Variants in EBF3 observed in about 807,000 individuals in gnomAD.
The protein encoded by EBF3 is EBF transcription factor 3.
In EBF3, 18 loss-of-function variants were observed where a neutral mutation model predicts 77.1. The observed-to-expected ratio is 0.23, with a 90% CI of 0.16 to 0.35. EBF3 has a LOEUF of 0.35. EBF3 is among the 10% of genes least tolerant of loss of function. EBF3 has a pLI of 1.00. For missense variants in EBF3, 558 were observed against 860.0 expected (o/e 0.65, Z 4.39); for synonymous variants, 350 against 343.5 (o/e 1.02, Z -0.21).
chr10:129,843,077 G>T, intron 12 of EBF3, 60 bp downstream of exon 12: 1 of 1,545,946 alleles, frequency 6.5e-7, no homozygotes, highest in Non-Finnish European at 8.8e-7. Flanking sequence ...AGCCACGCCG[G>T]CTGCCCACGG....
In EBF3 at chr10:129,885,736, T is replaced by A. The variant is rs187659527; in HGVS notation, c.555-7887A>T. On this transcript the variant is annotated intron_variant, in intron 6 of 16. Transcript: ENST00000440978. This position sits in a 1 kb window ranked among gnomAD's most constrained non-coding sequence, Gnocchi z 4.0. The stretch of plus-strand genomic sequence containing the variant: ...TCTCTCCCTCTGGACACTGTTCTAT[T>A]TGCCAGCTCTGATCACGAAGCTCCT... 1.3e-5 allele frequency among the ~76,000 whole-genome samples: 2 copies of A among 152,312 alleles called. No individual in the cohort carries two copies. Among genetic ancestry groups the A allele is most frequent in the South Asian group, 4.1e-4 (2 of 4,830 alleles).
chr10:129,940,932 C>T (rs367682088), intron 6 of EBF3, among the ~76,000 whole-genome samples: 90 of 152,178 alleles, frequency 5.9e-4, no homozygotes, highest in South Asian at 4.1e-4. Context: ...GGTAGGTCCC[C>T]GGTCCCCCAG....
chr10:129,867,643 G>A lies in EBF3; in HGVS notation c.912+139C>T. 2 of 1,421,090 alleles carry A rather than the reference G, an allele frequency of 1.4e-6. 1 individual carries two copies. The highest frequency in any genetic ancestry group is 2.8e-5 in the South Asian group (2 of 72,536). The allele number at this position is 1,421,090 out of a possible 1,614,324, so 88.0% of individuals were successfully genotyped here. On this transcript the variant is annotated intron_variant, in intron 9 of 16. Coordinates refer to ENST00000440978, the MANE Select transcript of EBF3 (RefSeq NM_001375380.1). ...TCCGTAGCCACCCACGGGAGAAGCTGCTGCCACAGGCGAACAGTGCAGTGT... is the reference window on the plus strand; with the variant it reads ...TCCGTAGCCACCCACGGGAGAAGCTACTGCCACAGGCGAACAGTGCAGTGT...
intron 10 of EBF3, among the ~76,000 whole-genome samples, chr10:129,851,178 G>A (rs1850854324): frequency 6.6e-6 from 1 of 152,214 alleles, no homozygotes; most frequent in African/African-American, 2.4e-5. Context: ...GTCAGCACTG[G>A]TTTGCTCAGG....
Position 129,837,974 on chromosome 10 carries a change from G to A in EBF3, c.1873-14C>T, listed in dbSNP as rs761091737. On this transcript the variant is annotated splice_polypyrimidine_tract_variant and intron_variant, in intron 16 of 16. Transcript: ENST00000440978. ...GCCCAGACATAGCTGCAAGACAGAA[G>A]GACAGAGCAGTTACTGCAGGCTCCC... The A allele has an allele frequency of 6.2e-7, 1 of 1,614,032 alleles. No homozygotes were observed. Among genetic ancestry groups the A allele is most frequent in the Non-Finnish European group, 8.5e-7 (1 of 1,179,980 alleles).
At chr10:129,869,421 G>C (rs1024795985) in intron 8 of EBF3, among the ~76,000 whole-genome samples, 1 of 144,180 alleles carries the variant, frequency 6.9e-6, no homozygotes, top group Non-Finnish European at 1.5e-5. Flanking sequence ...TCCTGGCTTT[G>C]CTCCCCCACG....
At chr10:129,915,499 A>AC (rs59533376) in intron 6 of EBF3, among the ~76,000 whole-genome samples, 7,272 of 91,082 alleles carry the variant, frequency 0.08, 199 homozygotes, top group East Asian at 0.15. Context: ...CACACACACA[A>AC]AAAAGCCAAG....
intron 4 of EBF3, 40 bp downstream of exon 4, chr10:129,962,131 C>T: frequency 6.2e-7 from 1 of 1,611,002 alleles, no homozygotes; most frequent in Non-Finnish European, 8.5e-7. Context: ...CAACCCAGGC[C>T]CAGCAGTGAA....
intron 6 of EBF3, among the ~76,000 whole-genome samples, chr10:129,889,408 T>C (rs1446190282): frequency 6.6e-6 from 1 of 152,228 alleles, no homozygotes; most frequent in African/African-American, 2.4e-5. Context: ...GAGCAGCTCC[T>C]GCCTGCAACA....
Position 129,867,797 on chromosome 10 carries a change from C to T in EBF3, c.897G>A (p.Met299Ile), listed in dbSNP as rs1461268321. The change falls in exon 9 of 17, where the codon ATG becomes ATA. Residue 299 changes from methionine to isoleucine, a missense_variant. Coordinates refer to ENST00000440978, the MANE Select transcript of EBF3 (RefSeq NM_001375380.1). ...FDGLQVVFGT[M>I]LVWSELITPH... is the part of the protein sequence containing the mutation. ...GCGGGCTTACCTCGCTCCACACCAA[C>T]ATAGTTCCGAATACAACTTGCAGCC... The T allele has an allele frequency of 1.2e-6, 2 of 1,614,244 alleles. No individual in the cohort carries two copies. The highest frequency in any genetic ancestry group is 1.7e-5 in the Admixed American group (1 of 60,038).
intron 6 of EBF3, among the ~76,000 whole-genome samples, chr10:129,888,552 G>T (rs1293265405): frequency 6.6e-6 from 1 of 152,226 alleles, no homozygotes; most frequent in East Asian, 1.9e-4. Context: ...GAGGAAAGAA[G>T]GCCGGGGCCA....
chr10:129,853,025 G>A (rs1034549702), intron 10 of EBF3, among the ~76,000 whole-genome samples: 5 of 152,196 alleles, frequency 3.3e-5, no homozygotes, highest in South Asian at 2.1e-4. Flanking sequence ...GCAGGAAGGA[G>A]GGGACAGGGT....
In EBF3 at chr10:129,944,228, A is replaced by ATTGT. The variant is rs1382844396; in HGVS notation, c.554+13026_554+13029dup. Among the ~76,000 whole-genome samples, 1 of 152,188 alleles carries ATTGT rather than the reference A, an allele frequency of 6.6e-6. No homozygotes were observed. Among genetic ancestry groups the ATTGT allele is most frequent in the Non-Finnish European group, 1.5e-5 (1 of 68,030 alleles). ...TCCAGTTACAATAACATTAAAATATATTGTTTATTTGCGGGTGGGGTCATT... is the reference window on the plus strand; with the variant it reads ...TCCAGTTACAATAACATTAAAATATATTGTTTGTTTATTTGCGGGTGGGGTCATT... On this transcript the variant is annotated intron_variant, in intron 6 of 16. Transcript: ENST00000440978. This position sits in a 1 kb window ranked among gnomAD's most constrained non-coding sequence, Gnocchi z 5.1.
chr10:129,876,157 A>G (rs984486576), intron 7 of EBF3, among the ~76,000 whole-genome samples: 2 of 152,208 alleles, frequency 1.3e-5, no homozygotes, highest in Admixed American at 1.3e-4. Context: ...GGGCTGTAGC[A>G]CCTACAGAAA....
intron 6 of EBF3, among the ~76,000 whole-genome samples, chr10:129,906,285 CAAT>C (rs1855138049): frequency 6.6e-6 from 1 of 152,164 alleles, no homozygotes; most frequent in Non-Finnish European, 1.5e-5. Flanking sequence ...AGCTCTCTTT[CAAT>C]AATATTAAGA....
At position 129,849,858 on chromosome 10, in the gene EBF3, G is replaced by A. The variant is rs140772691; in HGVS notation, c.1040-1378C>T. On this transcript the variant is annotated intron_variant, in intron 10 of 16. Coordinates refer to ENST00000440978, the MANE Select transcript of EBF3 (RefSeq NM_001375380.1). ...GTAAAGCTCTTCAAAATGCCTCGGC[G>A]TATGTGACATGGCAAAATTTCTAAC... 1.9e-3 allele frequency among the ~76,000 whole-genome samples: 296 copies of A among 152,276 alleles called. 5 individuals are homozygous for A. In the East Asian group the frequency reaches 0.043, roughly 22 times the overall value.
At chr10:129,955,674 T>A (rs1858983164) in intron 6 of EBF3, among the ~76,000 whole-genome samples, 1 of 152,188 alleles carries the variant, frequency 6.6e-6, no homozygotes, top group Admixed American at 6.5e-5. Context: ...TCCAAAGTGA[T>A]TTTGAAGGGA....
intron 7 of EBF3, among the ~76,000 whole-genome samples, chr10:129,877,349 T>C (rs1277704891): frequency 1.3e-5 from 2 of 151,882 alleles, no homozygotes; most frequent in East Asian, 3.9e-4. Context: ...GGTGTGGTGG[T>C]GTGCGCCTGT....
chr10:129,880,507 GCA>G (rs1313139759), intron 6 of EBF3, among the ~76,000 whole-genome samples: 2 of 151,456 alleles, frequency 1.3e-5, no homozygotes, highest in South Asian at 4.2e-4. Context: ...ACATACATAT[GCA>G]CACACACACA....
Sources: gnomAD v4.1 joint callset for allele counts (sites outside exome capture counted in the v4.1 genomes callset) on GRCh38, gnomAD v4.1.1 for gene constraint, Gnocchi (gnomAD v3.1) non-coding constraint, MANE v1.5 for transcripts, NCBI Gene and HGNC (gene_info 2026-07-23, HGNC 2026-07-21) for gene names.